The following CSE1L variants were observed in gnomAD, a reference collection of about 807,000 sequenced individuals.
The protein encoded by CSE1L is chromosome segregation 1 like.
CSE1L carries 24 observed loss-of-function variants against 120.4 expected under a neutral mutation model. That is an observed-to-expected ratio of 0.20 (90% CI 0.14 to 0.28). The LOEUF is 0.28. Ranked by LOEUF, CSE1L falls within the 10% of genes least tolerant of loss-of-function variation. The pLI is 1.00. For synonymous variants in CSE1L, 402 were observed against 398.3 expected, an observed-to-expected ratio of 1.01 and a Z score of -0.11; for missense variants, 830 against 1,145.2, an observed-to-expected ratio of 0.72 and a Z score of 3.97.
chr20:49,065,459 G>T (rs1456408489), intron 3 of CSE1L, among the ~76,000 whole-genome samples: 2 of 150,094 alleles, frequency 1.3e-5, no homozygotes, highest in Non-Finnish European at 3.0e-5. Context: ...AGTAGTTAGT[G>T]TTACAGGTGC....
At chr20:49,093,731 A>G (rs1452462510) in intron 22 of CSE1L, among the ~76,000 whole-genome samples, 1 of 151,896 alleles carries the variant, frequency 6.6e-6, no homozygotes, top group Non-Finnish European at 1.5e-5. Context: ...AGCCTGGCCA[A>G]CACAATGAAA....
At chr20:49,047,209 A>G (rs2091720220) in intron 1 of CSE1L, among the ~76,000 whole-genome samples, 1 of 152,104 alleles carries the variant, frequency 6.6e-6, no homozygotes, top group African/African-American at 2.4e-5. Flanking sequence ...TGGTCACCTC[A>G]TCTCACTGAG....
Position 49,084,047 on chromosome 20 carries a change from G to A in CSE1L, c.1504G>A (p.Val502Ile). 6.2e-7 allele frequency: 1 copy of A among 1,613,606 alleles called. No homozygotes were observed. The highest frequency in any genetic ancestry group is 8.5e-7 in the Non-Finnish European group (1 of 1,179,678). The change falls in exon 15 of 25, where the codon GTC becomes ATC. Residue 502 changes from valine to isoleucine, a missense_variant. This residue lies in a region of CSE1L where 543 missense variants were observed against 640.2 expected (regional missense o/e 0.85). Transcript: ENST00000262982. ...TTAGGTGCCAAAAGAACATCTTTTA[G>A]TCTCGATTCCTCTCTTGATTAATCA... ...RNQVPKEHLL[V>I]SIPLLINHLQ...
At chr20:49,062,849 A>G (rs978906696) in intron 2 of CSE1L, among the ~76,000 whole-genome samples, 2 of 151,976 alleles carry the variant, frequency 1.3e-5, no homozygotes, top group Non-Finnish European at 2.9e-5. Context: ...TAATAGTACT[A>G]ATAATACTCC....
At chr20:49,095,627 G>A (rs572870292) in intron 24 of CSE1L, among the ~76,000 whole-genome samples, 2 of 151,826 alleles carry the variant, frequency 1.3e-5, no homozygotes, top group South Asian at 4.2e-4. Context: ...TTTTTTAATT[G>A]CAGCATACTC....
chr20:49,051,720 C>CA (rs1555820129), intron 1 of CSE1L, among the ~76,000 whole-genome samples: 1 of 152,198 alleles, frequency 6.6e-6, no homozygotes, highest in Non-Finnish European at 1.5e-5. Flanking sequence ...TTTTCAGAGA[C>CA]AGAGTCTTAC....
intron 24 of CSE1L, 73 bp from the exon 25 acceptor site, chr20:49,096,276 C>G (rs966450745): frequency 2.5e-5 from 30 of 1,192,164 alleles, no homozygotes; most frequent in Admixed American, 1.7e-4. Flanking sequence ...TGGCAGCTCT[C>G]CCGTAGAAGA....
chr20:49,055,064 G>C (rs769458478), intron 1 of CSE1L, among the ~76,000 whole-genome samples: 8 of 152,220 alleles, frequency 5.3e-5, no homozygotes, highest in Non-Finnish European at 8.8e-5. Flanking sequence ...AGATGTTTCA[G>C]AATTTGGGAT....
At chr20:49,080,935 C>G (rs1001414484) in intron 14 of CSE1L, among the ~76,000 whole-genome samples, 1 of 152,058 alleles carries the variant, frequency 6.6e-6, no homozygotes, top group African/African-American at 2.4e-5. Flanking sequence ...TGCCACACCA[C>G]CTGGCTAATT....
At chr20:49,093,026 A>G (rs890982014) in intron 22 of CSE1L, among the ~76,000 whole-genome samples, 2 of 152,340 alleles carry the variant, frequency 1.3e-5, no homozygotes, top group African/African-American at 4.8e-5. Flanking sequence ...TTAGTAGGGA[A>G]TAAAACAATT....
chr20:49,089,876 G>GGGA, intron 19 of CSE1L, 130 bp downstream of exon 19: 1 of 817,214 alleles, frequency 1.2e-6, no homozygotes, highest in Non-Finnish European at 1.9e-6. Flanking sequence ...CCACCACTTT[G>GGGA]GGAGCCTCTA....
chr20:49,069,756 A>G (rs2091918653), intron 7 of CSE1L, among the ~76,000 whole-genome samples: 1 of 152,228 alleles, frequency 6.6e-6, no homozygotes, highest in Admixed American at 6.5e-5. Flanking sequence ...GGAAAGAGGC[A>G]TAATCTACCC....
rs1169151375 is a variant in CSE1L, at chr20:49,065,586, A to ATTTTTTTTTTTTTT, written c.229-593_229-580dup. ...CCATCGCACCTGGCCTAAAATGGAAATTTTTTTTTTTTTTTTTTTTTTTTT... is the reference window on the plus strand; with the variant it reads ...CCATCGCACCTGGCCTAAAATGGAAATTTTTTTTTTTTTTTTTTTTTTTTTTTTTTTTTTTTTTT... On this transcript the variant is annotated intron_variant, in intron 3 of 24. Transcript: ENST00000262982. Among the ~76,000 whole-genome samples the ATTTTTTTTTTTTTT allele has an allele frequency of 2.1e-4, 16 of 76,350 alleles. 4 individuals are homozygous for ATTTTTTTTTTTTTT. The highest frequency in any genetic ancestry group is 3.9e-4 in the East Asian group (1 of 2,586). 50.1% of individuals were successfully genotyped at this position (76,350 alleles called of 152,430 possible).
intron 13 of CSE1L, among the ~76,000 whole-genome samples, chr20:49,077,306 C>T (rs1333113954): frequency 1.3e-5 from 2 of 151,930 alleles, no homozygotes; most frequent in Non-Finnish European, 2.9e-5. Context: ...ACTACAGGCA[C>T]GTACCACCAT....
At position 49,096,497 on chromosome 20, in the gene CSE1L, A is replaced by G. The variant is rs1600556888; in HGVS notation, c.*59A>G. The G allele has an allele frequency of 7.2e-6, 9 of 1,242,166 alleles. No individual in the cohort carries two copies. The highest frequency in any genetic ancestry group is 9.5e-6 in the Non-Finnish European group (8 of 842,692). The allele number at this position is 1,242,166 out of a possible 1,614,324, so 76.9% of individuals were successfully genotyped here. ...TTTCCTAGGAAATCACAGGCTTCTGAGCACAGCTGCATTAAAACAAAGGAA... is the reference window on the plus strand; with the variant it reads ...TTTCCTAGGAAATCACAGGCTTCTGGGCACAGCTGCATTAAAACAAAGGAA... On this transcript the variant is annotated 3_prime_UTR_variant, in exon 25 of 25. Coordinates refer to ENST00000262982, the MANE Select transcript of CSE1L (RefSeq NM_001316.4).
intron 21 of CSE1L, among the ~76,000 whole-genome samples, chr20:49,091,582 G>C (rs1168552940): frequency 6.6e-6 from 1 of 152,132 alleles, no homozygotes; most frequent in Non-Finnish European, 1.5e-5. Flanking sequence ...AAACAGCCAA[G>C]CATGGTGGTG....
At chr20:49,088,763 A>G (rs937982686) in intron 17 of CSE1L, among the ~76,000 whole-genome samples, 1 of 152,148 alleles carries the variant, frequency 6.6e-6, no homozygotes, top group Non-Finnish European at 1.5e-5. Context: ...GAGGGAACCC[A>G]AGTCTCCGCC....
At position 49,074,860 on chromosome 20, in the gene CSE1L, T is replaced by C; in HGVS notation, c.1132+10T>C. 1 of 1,607,548 alleles carries C rather than the reference T, an allele frequency of 6.2e-7. No individual in the cohort carries two copies. Among genetic ancestry groups the C allele is most frequent in the Non-Finnish European group, 8.5e-7 (1 of 1,177,562 alleles). ...GATTTGGAAGGATCTGGTGTGTATC[T>C]TGGTTTTTTAGTTACTAGTCTCTTA... On this transcript the variant is annotated intron_variant, in intron 11 of 24. Transcript: ENST00000262982.
chr20:49,051,686 GTAATACAGGA>G (rs1296377654), intron 1 of CSE1L, among the ~76,000 whole-genome samples: 1 of 152,210 alleles, frequency 6.6e-6, no homozygotes, highest in African/African-American at 2.4e-5. Flanking sequence ...GTTTGAACAG[GTAATACAGGA>G]TAAATTTTAT....
Sources: allele counts gnomAD v4.1 joint callset (sites outside exome capture counted in the v4.1 genomes callset), GRCh38; gene constraint gnomAD v4.1.1; regional missense constraint gnomAD v4.1.1; transcripts MANE v1.5; gene names NCBI Gene and HGNC (gene_info 2026-07-23, HGNC 2026-07-21).